The following BACH2 variants were observed in gnomAD, a reference collection of about 807,000 sequenced individuals.
BACH2 encodes the protein transcription regulator protein BACH2.
A neutral mutation model predicts 61.8 loss-of-function variants in BACH2; 5 were observed. The observed-to-expected ratio is 0.08, with a 90% CI of 0.04 to 0.17. The LOEUF is 0.17. Ranked by LOEUF, BACH2 falls within the 10% of genes least tolerant of loss-of-function variation. The pLI, the probability that BACH2 is intolerant of heterozygous loss-of-function variation, is 1.00. For missense variants in BACH2, 824 were observed against 1,091.1 expected, an observed-to-expected ratio of 0.76 and a Z score of 3.45; for synonymous variants, 446 against 440.1, an observed-to-expected ratio of 1.01 and a Z score of -0.17.
chr6:90,045,519 GAAGAAACA>G (rs572620255), intron 5 of BACH2, among the ~76,000 whole-genome samples: 309 of 152,310 alleles, frequency 2.0e-3, no homozygotes, highest in African/African-American at 7.1e-3. Flanking sequence ...CATCTCTATT[GAAGAAACA>G]GGCAGGTAAG....
Position 90,092,313 on chromosome 6 carries a change from T to C in BACH2, c.-161-3204A>G, listed in dbSNP as rs865851059. On this transcript the variant is annotated intron_variant, in intron 4 of 8. Coordinates refer to ENST00000257749, the MANE Select transcript of BACH2 (RefSeq NM_021813.4). ...AAAAATATATATATATATATATATA[T>C]ATACACACACACACATTGCATCACT... Among the ~76,000 whole-genome samples the C allele has an allele frequency of 4.6e-3, 603 of 130,108 alleles. 9 individuals are homozygous for C. Among genetic ancestry groups the C allele is most frequent in the African/African-American group, 0.019 (570 of 30,244 alleles). 85.4% of individuals were successfully genotyped at this position (130,108 alleles called of 152,430 possible). A position where few individuals can be genotyped will look rare whatever the true frequency, so the allele number is the denominator to read the frequency against.
intron 5 of BACH2, among the ~76,000 whole-genome samples, chr6:90,046,346 T>C (rs914092290): frequency 6.6e-6 from 1 of 152,190 alleles, no homozygotes; most frequent in African/African-American, 2.4e-5. Flanking sequence ...CATAATATAG[T>C]GGCTAACGAG....
At chr6:90,186,116 C>A (rs964522262) in intron 4 of BACH2, among the ~76,000 whole-genome samples, 1 of 152,098 alleles carries the variant, frequency 6.6e-6, no homozygotes, top group Non-Finnish European at 1.5e-5. Context: ...TCTGTTTTAG[C>A]CCATTTCCAT....
intron 5 of BACH2, among the ~76,000 whole-genome samples, chr6:90,024,059 G>C (rs1778511836): frequency 1.3e-5 from 2 of 152,168 alleles, no homozygotes; most frequent in Admixed American, 6.5e-5. Flanking sequence ...GCTGTTGCAT[G>C]CTCTATTTCT....
chr6:90,199,916 A>G (rs115892122), intron 4 of BACH2, among the ~76,000 whole-genome samples: 1,906 of 152,332 alleles, frequency 0.013, 50 homozygotes, highest in African/African-American at 0.043. Flanking sequence ...AGCCTGCCAC[A>G]TATAAGACAT....
rs113400180 is a variant in BACH2, at chr6:90,023,902, C to T, written c.-12-15046G>A. On this transcript the variant is annotated intron_variant, in intron 5 of 8. Transcript: ENST00000257749. Reference sequence around the variant, plus strand: ...GAGAAATAAATGTTTGTTGTTTGAGCCACCCAGCCTATGGTACTTTGTTAT... The same window carrying T: ...GAGAAATAAATGTTTGTTGTTTGAGTCACCCAGCCTATGGTACTTTGTTAT... Among the ~76,000 whole-genome samples, 757 of 152,252 alleles carry T rather than the reference C, an allele frequency of 5.0e-3. 6 individuals carry two copies. The highest frequency in any genetic ancestry group is 8.2e-3 in the Non-Finnish European group (555 of 68,026).
chr6:90,232,828 G>C (rs1456030780), intron 3 of BACH2, among the ~76,000 whole-genome samples: 1 of 152,160 alleles, frequency 6.6e-6, no homozygotes, highest in Non-Finnish European at 1.5e-5. Context: ...TCTCTAAGAA[G>C]TCCTTAAATG....
Position 90,143,214 on chromosome 6 carries a change from A to C in BACH2, c.-161-54105T>G, listed in dbSNP as rs536035809. Among the ~76,000 whole-genome samples the C allele has an allele frequency of 2.5e-3, 380 of 152,320 alleles. 2 individuals are homozygous for C. The highest frequency in any genetic ancestry group is 3.6e-3 in the Non-Finnish European group (247 of 68,026). ...AGACACCCCTTTCCTTCTACTCCCC[A>C]TAAAGTCTTGGCAGCTAGAGAGCTG... On this transcript the variant is annotated intron_variant, in intron 4 of 8. Coordinates refer to ENST00000257749, the MANE Select transcript of BACH2 (RefSeq NM_021813.4).
chr6:90,198,268 C>A (rs1768831738), intron 4 of BACH2, among the ~76,000 whole-genome samples: 1 of 152,144 alleles, frequency 6.6e-6, no homozygotes, highest in Non-Finnish European at 1.5e-5. Flanking sequence ...CCCACAGCTC[C>A]CGTGTGTCCA....
At chr6:90,095,915 G>A (rs1011513504) in intron 4 of BACH2, among the ~76,000 whole-genome samples, 6 of 152,160 alleles carry the variant, frequency 3.9e-5, no homozygotes. Flanking sequence ...GAGAGGCAAC[G>A]TGTTTTGCTT....
intron 5 of BACH2, among the ~76,000 whole-genome samples, chr6:90,056,402 A>G (rs1466171877): frequency 6.6e-6 from 1 of 152,198 alleles, no homozygotes; most frequent in African/African-American, 2.4e-5. Context: ...TAAAGGGATC[A>G]ATTCAACAAG....
At chr6:90,082,964 A>C (rs953663530) in intron 5 of BACH2, among the ~76,000 whole-genome samples, 1 of 152,218 alleles carries the variant, frequency 6.6e-6, no homozygotes, top group East Asian at 1.9e-4. Context: ...CAAGGACTCT[A>C]AAAATCTTGC....
chr6:90,130,257 T>C (rs1370019484), intron 4 of BACH2, among the ~76,000 whole-genome samples: 1 of 152,118 alleles, frequency 6.6e-6, no homozygotes, highest in African/African-American at 2.4e-5. Flanking sequence ...TAAGACATCC[T>C]CCAAGATAGA....
At chr6:90,231,935 G>C (rs1770107524) in intron 3 of BACH2, among the ~76,000 whole-genome samples, 1 of 152,116 alleles carries the variant, frequency 6.6e-6, no homozygotes, top group Non-Finnish European at 1.5e-5. Flanking sequence ...GAAATGTACT[G>C]ATCTTCAGAC....
intron 3 of BACH2, among the ~76,000 whole-genome samples, chr6:90,248,606 G>A (rs9444753): frequency 0.034 from 5,128 of 152,286 alleles, 294 homozygotes; most frequent in African/African-American, 0.12. Context: ...AAGGATGAAC[G>A]AGAGTTAGAA....
chr6:89,953,570 G>T (rs1204891727), intron 6 of BACH2, among the ~76,000 whole-genome samples: 1 of 152,148 alleles, frequency 6.6e-6, no homozygotes, highest in Non-Finnish European at 1.5e-5. Context: ...AATTGTGCCT[G>T]TTTCTACCAT....
chr6:90,057,461 T>A (rs973292238), intron 5 of BACH2, among the ~76,000 whole-genome samples: 3 of 152,152 alleles, frequency 2.0e-5, no homozygotes, highest in African/African-American at 7.2e-5. Context: ...TAACAGGAGC[T>A]GAAATTGAGG....
chr6:90,089,316 C>A (rs1337167446), intron 4 of BACH2, among the ~76,000 whole-genome samples: 1 of 152,018 alleles, frequency 6.6e-6, no homozygotes, highest in African/African-American at 2.4e-5. Context: ...GCTCTGCCTA[C>A]TAGAAGCCCT....
intron 5 of BACH2, among the ~76,000 whole-genome samples, chr6:90,021,322 C>CA (rs1297270388): frequency 2.4e-5 from 3 of 125,536 alleles, no homozygotes; most frequent in East Asian, 2.3e-4. Context: ...AAAAAACCAA[C>CA]AAAAAAATCA....
Sources: allele counts gnomAD v4.1 joint callset (sites outside exome capture counted in the v4.1 genomes callset), GRCh38; gene constraint gnomAD v4.1.1; transcripts MANE v1.5; gene names NCBI Gene and HGNC (gene_info 2026-07-23, HGNC 2026-07-21).